Variants in PPEF1 observed in about 807,000 individuals in gnomAD.
PPEF1 encodes protein phosphatase with EF-hand domain 1, also known as serine/threonine-protein phosphatase with EF-hands 1.
A neutral mutation model predicts 53.3 loss-of-function variants in PPEF1; 12 were observed. That is an observed-to-expected ratio of 0.23 (90% CI 0.14 to 0.36). PPEF1 has a LOEUF of 0.36. Among genes scored for constraint, PPEF1 ranks in the 10% least tolerant of loss-of-function variants. PPEF1 has a pLI of 1.00. For missense variants in PPEF1, 334 were observed against 490.4 expected (o/e 0.68, Z 3.01); for synonymous variants, 165 against 176.7 (o/e 0.93, Z 0.52).
chrX:18,777,755 T>TC (rs1206614154), intron 6 of PPEF1, among the ~76,000 whole-genome samples: 1 of 105,833 alleles, frequency 9.4e-6, no homozygotes, highest in African/African-American at 3.4e-5. Flanking sequence ...CTTTTCTTTC[T>TC]TTTTTTTTTA....
chrX:18,755,076 G>A (rs1293881223), intron 4 of PPEF1, among the ~76,000 whole-genome samples: 2 of 111,105 alleles, frequency 1.8e-5, no homozygotes, highest in African/African-American at 6.6e-5. Context: ...ATAAGTTCAA[G>A]GAGATAAATC....
At chrX:18,679,929 A>G (rs1412767154), upstream of PPEF1, among the ~76,000 whole-genome samples, 3 of 109,742 alleles carry the variant, frequency 2.7e-5, no homozygotes, top group Non-Finnish European at 1.9e-5. Context: ...TCTCTACTAA[A>G]TATACAAAAA....
chrX:18,716,518 C>T (rs1396916345), intron 1 of PPEF1, among the ~76,000 whole-genome samples: 12 of 79,757 alleles, frequency 1.5e-4, no homozygotes, highest in African/African-American at 2.6e-4. Context: ...GGCGAGAGAG[C>T]GAGACACCAT....
chrX:18,826,661 G>T (rs1374648836), intron 15 of PPEF1, among the ~76,000 whole-genome samples: 1 of 109,431 alleles, frequency 9.1e-6, no homozygotes, highest in Non-Finnish European at 1.9e-5. Flanking sequence ...CCCGACCTCA[G>T]ATGACCTGCC....
intron 6 of PPEF1, among the ~76,000 whole-genome samples, chrX:18,765,132 A>G (rs981400179): frequency 8.9e-6 from 1 of 112,105 alleles, no homozygotes; most frequent in Admixed American, 9.5e-5. Context: ...ATGAAAGACT[A>G]GGGCACTATT....
chrX:18,824,177 C>T (rs1222901797), intron 14 of PPEF1, 91 bp downstream of exon 14: 1 of 953,068 alleles, frequency 1.0e-6, no homozygotes, highest in African/African-American at 2.0e-5. Context: ...CACAGTGGCT[C>T]ACGCCTGTAA....
chrX:18,774,956 C>G lies in PPEF1; in HGVS notation c.559-4054C>G, dbSNP rs148798451. On this transcript the variant is annotated intron_variant, in intron 6 of 15. Transcript: ENST00000470157. ...TTCAAATTGAAGTCTTTTTTTTAAC[C>G]ATAGAAAATGTTCTCTCATATTTTT... Among the ~76,000 whole-genome samples the G allele has an allele frequency of 3.6e-3, 394 of 110,926 alleles. 5 individuals carry two copies. Among genetic ancestry groups the G allele is most frequent in the African/African-American group, 0.012 (380 of 30,557 alleles).
chrX:18,779,235 A>C lies in PPEF1; in HGVS notation c.725+59A>C, dbSNP rs2046032829. 3 of 1,033,255 alleles carry C rather than the reference A, an allele frequency of 2.9e-6. No individual in the cohort carries two copies. In the Admixed American group the frequency reaches 7.8e-5, roughly 27 times the overall value. The allele number at this position is 1,033,255 out of a possible 1,213,427, so 85.2% of individuals were successfully genotyped here. A position where few individuals can be genotyped will look rare whatever the true frequency, so the allele number is the denominator to read the frequency against. ...GTTTCGCACTCTGGAAAATGCTGCC[A>C]TATTTAATTCCTAATAGAGATAGAA... On this transcript the variant is annotated intron_variant, in intron 7 of 15. Coordinates refer to ENST00000470157, the MANE Select transcript of PPEF1 (RefSeq NM_001377996.1).
At chrX:18,708,943 A>G (rs1479358846) in intron 1 of PPEF1, among the ~76,000 whole-genome samples, 1 of 111,010 alleles carries the variant, frequency 9.0e-6, no homozygotes, top group Non-Finnish European at 1.9e-5. Flanking sequence ...AATTTAGCCA[A>G]ATTTCCTAGG....
At chrX:18,811,441 T>C (rs774793681) in intron 12 of PPEF1, among the ~76,000 whole-genome samples, 1 of 110,154 alleles carries the variant, frequency 9.1e-6, no homozygotes, top group African/African-American at 3.3e-5. Context: ...TGATTAATGA[T>C]GTTGAGCGTC....
chrX:18,722,910 C>T (rs1176052787), intron 1 of PPEF1, among the ~76,000 whole-genome samples: 1 of 111,732 alleles, frequency 8.9e-6, no homozygotes, highest in Non-Finnish European at 1.9e-5. Context: ...ACTGCATGCA[C>T]CTCAGTTGGC....
At chrX:18,696,104 T>A (rs1929700129) in intron 4 of PPEF1, among the ~76,000 whole-genome samples, 2 of 112,036 alleles carry the variant, frequency 1.8e-5, no homozygotes, top group South Asian at 7.3e-4. Flanking sequence ...TTACTTGGTA[T>A]TCCTTTCTTC....
intron 7 of PPEF1, among the ~76,000 whole-genome samples, chrX:18,781,125 G>GT (rs1272993256): frequency 9.1e-6 from 1 of 110,257 alleles, no homozygotes; most frequent in Non-Finnish European, 1.9e-5. Flanking sequence ...GAGTTTGGGG[G>GT]TACAGCGGCA....
intron 9 of PPEF1, among the ~76,000 whole-genome samples, chrX:18,787,737 T>C (rs1602452658): frequency 2.5e-5 from 2 of 79,840 alleles, no homozygotes; most frequent in South Asian, 1.3e-3. Context: ...CTGGGTAACA[T>C]AGCAAGACCC....
chrX:18,715,399 G>A (rs2147312327), intron 1 of PPEF1, among the ~76,000 whole-genome samples: 1 of 110,989 alleles, frequency 9.0e-6, no homozygotes, highest in Non-Finnish European at 1.9e-5. Flanking sequence ...GGGCGTGACG[G>A]CACATGCCTG....
At chrX:18,675,957 G>GC (rs1928656086) in exon 1 of PPEF1, 1 of 27,834 alleles carries the variant, frequency 3.6e-5, no homozygotes, top group Admixed American at 6.2e-4. Context: ...TCATTTGGGC[G>GC]GGGGGGGGGG....
chrX:18,754,787 G>A (rs148001356), intron 4 of PPEF1, among the ~76,000 whole-genome samples: 15 of 111,532 alleles, frequency 1.3e-4, no homozygotes, highest in African/African-American at 4.9e-4. Flanking sequence ...TTTTGGTAGA[G>A]ACAAGTTTTC....
At chrX:18,748,304 A>G (rs1473048127) in intron 3 of PPEF1, among the ~76,000 whole-genome samples, 1 of 112,703 alleles carries the variant, frequency 8.9e-6, no homozygotes, top group Non-Finnish European at 1.9e-5. Context: ...ATGACTTTAG[A>G]AAACATTTTT....
chrX:18,765,783 G>A (rs1205716196), intron 6 of PPEF1, among the ~76,000 whole-genome samples: 2 of 111,071 alleles, frequency 1.8e-5, no homozygotes, highest in Non-Finnish European at 3.8e-5. Context: ...AAGGAAAAAG[G>A]CCGGGCACAG....
Sources: allele counts gnomAD v4.1 joint callset (sites outside exome capture counted in the v4.1 genomes callset), GRCh38; gene constraint gnomAD v4.1.1; transcripts MANE v1.5; gene names NCBI Gene and HGNC (gene_info 2026-07-23, HGNC 2026-07-21).